CNTN4: variants seen among roughly 807,000 people sequenced by gnomAD.
The protein encoded by CNTN4 is contactin-4.
Under a neutral mutation model 122.5 loss-of-function variants are expected in CNTN4, and 77 were observed. The ratio of observed to expected loss-of-function variants is 0.63; its 90% CI spans 0.52 to 0.76. CNTN4 has a LOEUF of 0.76. CNTN4 is among the 30% of genes least tolerant of loss of function. CNTN4 has a pLI of 0.00. For missense variants in CNTN4, 1,256 were observed against 1,259.1 expected (o/e 1.00, Z 0.04); for synonymous variants, 512 against 447.0 (o/e 1.15, Z -1.83).
At chr3:2,575,438 AAGGCAGAGGTTGCAGTG>A (rs2079616539) in intron 4 of CNTN4, among the ~76,000 whole-genome samples, 1 of 151,542 alleles carries the variant, frequency 6.6e-6, no homozygotes, top group Non-Finnish European at 1.5e-5. Context: ...TTGAACCCGG[AAGGCAGAGGTTGCAGTG>A]AGCCGAGATC....
At chr3:2,309,540 C>A (rs1395857158) in intron 2 of CNTN4, among the ~76,000 whole-genome samples, 4 of 151,928 alleles carry the variant, frequency 2.6e-5, no homozygotes, top group African/African-American at 4.8e-5. Context: ...ACTCTTGTTT[C>A]TTCCCCATTT....
intron 3 of CNTN4, among the ~76,000 whole-genome samples, chr3:2,414,991 C>T (rs1433060746): frequency 6.6e-6 from 1 of 152,132 alleles, no homozygotes; most frequent in Non-Finnish European, 1.5e-5. Flanking sequence ...GAAGCAGTTT[C>T]CTTTCCATGT....
At chr3:2,273,992 A>G (rs1213879124) in intron 2 of CNTN4, among the ~76,000 whole-genome samples, 1 of 152,196 alleles carries the variant, frequency 6.6e-6, no homozygotes, top group Non-Finnish European at 1.5e-5. Flanking sequence ...CATTTGAGAG[A>G]AAACAACCCA....
intron 5 of CNTN4, among the ~76,000 whole-genome samples, chr3:2,743,483 T>C (rs1019341499): frequency 6.6e-6 from 1 of 152,220 alleles, no homozygotes; most frequent in Non-Finnish European, 1.5e-5. Flanking sequence ...TATTTCATGC[T>C]CCTGGTCTAC....
At chr3:3,042,196 A>G (rs1319402830) in intron 20 of CNTN4, 114 bp from the exon 21 acceptor site, 1 of 811,552 alleles carries the variant, frequency 1.2e-6, no homozygotes, top group African/African-American at 1.7e-5. Context: ...TTTGGCTTAC[A>G]ATCATTAAGG....
At chr3:2,522,720 A>G (rs957989966) in intron 3 of CNTN4, among the ~76,000 whole-genome samples, 2 of 151,972 alleles carry the variant, frequency 1.3e-5, no homozygotes, top group Non-Finnish European at 2.9e-5. Flanking sequence ...TGAATTTTTA[A>G]TTAGCTCCCA....
At chr3:2,545,510 C>T (rs886291959) in intron 3 of CNTN4, among the ~76,000 whole-genome samples, 1 of 151,810 alleles carries the variant, frequency 6.6e-6, no homozygotes, top group African/African-American at 2.4e-5. Context: ...CTTCATAGGT[C>T]TCTGAGAACT....
intron 3 of CNTN4, among the ~76,000 whole-genome samples, chr3:2,478,405 TTTG>T (rs972702448): frequency 3.0e-3 from 37 of 12,528 alleles, no homozygotes; most frequent in South Asian, 5.9e-3. Context: ...TCTTTATCTG[TTTG>T]TTTTTTTTTT....
intron 10 of CNTN4, among the ~76,000 whole-genome samples, chr3:2,893,188 C>G (rs1473481302): frequency 6.6e-6 from 1 of 152,150 alleles, no homozygotes; most frequent in Non-Finnish European, 1.5e-5. Context: ...TGTCTAGAGC[C>G]TTTGTGCTAC....
At chr3:2,889,266 G>C (rs2094011750) in intron 10 of CNTN4, among the ~76,000 whole-genome samples, 1 of 152,170 alleles carries the variant, frequency 6.6e-6, no homozygotes, top group Non-Finnish European at 1.5e-5. Context: ...GTTGTAGAAA[G>C]TATTAATACT....
intron 3 of CNTN4, among the ~76,000 whole-genome samples, chr3:2,429,013 T>C (rs912393108): frequency 6.6e-6 from 1 of 152,190 alleles, no homozygotes; most frequent in African/African-American, 2.4e-5. Context: ...TTGTGATGGG[T>C]TCGGACATCC....
At chr3:2,199,622 G>A (rs912366285) in intron 2 of CNTN4, among the ~76,000 whole-genome samples, 5 of 152,054 alleles carry the variant, frequency 3.3e-5, no homozygotes, top group African/African-American at 1.2e-4. Flanking sequence ...AACTGTTCTG[G>A]TGCTGGGAAT....
intron 3 of CNTN4, among the ~76,000 whole-genome samples, chr3:2,403,549 C>T (rs2046931985): frequency 6.6e-6 from 1 of 152,088 alleles, no homozygotes; most frequent in Non-Finnish European, 1.5e-5. Flanking sequence ...AATATGCATA[C>T]CATAAGATAA....
intron 4 of CNTN4, among the ~76,000 whole-genome samples, chr3:2,710,562 A>G (rs2728036): frequency 0.12 from 18,903 of 152,182 alleles, 1,600 homozygotes; most frequent in African/African-American, 0.24. Context: ...ACAAGTGTTA[A>G]AAGGTGTCAA....
chr3:2,481,962 C>G (rs2076018661), intron 3 of CNTN4, among the ~76,000 whole-genome samples: 1 of 152,156 alleles, frequency 6.6e-6, no homozygotes, highest in African/African-American at 2.4e-5. Context: ...AATACTCAGT[C>G]TCTGCATAGC....
chr3:2,998,280 T>A (rs1011666935), intron 14 of CNTN4, among the ~76,000 whole-genome samples: 1 of 152,130 alleles, frequency 6.6e-6, no homozygotes, highest in Non-Finnish European at 1.5e-5. Context: ...GAGGGAATAG[T>A]CAAAAGGTAC....
intron 3 of CNTN4, among the ~76,000 whole-genome samples, chr3:2,412,392 C>G (rs1029021286): frequency 6.6e-6 from 1 of 152,006 alleles, no homozygotes; most frequent in Non-Finnish European, 1.5e-5. Flanking sequence ...GCTGGGATTA[C>G]AGGTCCCCAC....
intron 2 of CNTN4, among the ~76,000 whole-genome samples, chr3:2,132,978 G>A (rs2034522585): frequency 6.6e-6 from 1 of 152,104 alleles, no homozygotes; most frequent in Non-Finnish European, 1.5e-5. Context: ...GTTGGTTCTT[G>A]GATGGTTTTA....
At chr3:2,761,618 C>G (rs2090596433) in intron 6 of CNTN4, among the ~76,000 whole-genome samples, 2 of 152,260 alleles carry the variant, frequency 1.3e-5, no homozygotes, top group South Asian at 4.1e-4. Context: ...GGCTCTCTCA[C>G]TGGTCCACAT....
Sources: allele counts gnomAD v4.1 joint callset (sites outside exome capture counted in the v4.1 genomes callset), GRCh38; gene constraint gnomAD v4.1.1; transcripts MANE v1.5; gene names NCBI Gene and HGNC (gene_info 2026-07-23, HGNC 2026-07-21).